The following IL1RAPL2 variants were observed in gnomAD, a reference collection of about 807,000 sequenced individuals.
The protein encoded by IL1RAPL2 is X-linked interleukin-1 receptor accessory protein-like 2.
Under a neutral mutation model 44.1 loss-of-function variants are expected in IL1RAPL2, and 3 were observed. The observed-to-expected ratio is 0.07, with a 90% CI of 0.03 to 0.18. The LOEUF (loss-of-function observed/expected upper bound fraction) is 0.18. IL1RAPL2 is among the 10% of genes least tolerant of loss of function. The pLI is 1.00. For missense variants in IL1RAPL2, 391 were observed against 496.4 expected, an observed-to-expected ratio of 0.79 and a Z score of 2.02; for synonymous variants, 181 against 178.8, an observed-to-expected ratio of 1.01 and a Z score of -0.10.
At chrX:105,438,576 A>C (rs1031588585) in intron 5 of IL1RAPL2, among the ~76,000 whole-genome samples, 3 of 110,905 alleles carry the variant, frequency 2.7e-5, no homozygotes, top group African/African-American at 9.8e-5. Context: ...TTTTGTGCCC[A>C]TAATTTAGAC....
chrX:105,458,667 T>G lies in IL1RAPL2; in HGVS notation c.698-25646T>G, dbSNP rs1602421778. Among the ~76,000 whole-genome samples, 3 of 111,699 alleles carry G rather than the reference T, an allele frequency of 2.7e-5. No homozygotes were observed. In the South Asian group the frequency reaches 1.1e-3, roughly 42 times the overall value. ...CATCTCATTACCCAGTTTTTCCTTT[T>G]TACGTTTTTCAGTCAGCCTCTTATC... On this transcript the variant is annotated intron_variant, in intron 5 of 10. Transcript: ENST00000372582.
At chrX:105,054,665 T>A (rs1052358354) in intron 2 of IL1RAPL2, among the ~76,000 whole-genome samples, 24 of 112,393 alleles carry the variant, frequency 2.1e-4, no homozygotes, top group African/African-American at 7.1e-4. Context: ...ACATATCATA[T>A]GTTAATTAGA....
At chrX:104,841,855 T>C (rs180755494) in intron 2 of IL1RAPL2, among the ~76,000 whole-genome samples, 40 of 110,136 alleles carry the variant, frequency 3.6e-4, no homozygotes, top group African/African-American at 1.3e-3. Flanking sequence ...GAGAATCTAA[T>C]GATTATGTGT....
At chrX:105,328,405 T>G (rs2147692345) in intron 5 of IL1RAPL2, among the ~76,000 whole-genome samples, 1 of 112,209 alleles carries the variant, frequency 8.9e-6, no homozygotes, top group Admixed American at 9.5e-5. Context: ...CTCATGGCTC[T>G]AACCCATCCC....
intron 2 of IL1RAPL2, among the ~76,000 whole-genome samples, chrX:104,881,047 C>A (rs1923056277): frequency 1.8e-5 from 2 of 111,185 alleles, no homozygotes; most frequent in African/African-American, 3.3e-5. Flanking sequence ...TTTTTTTAAG[C>A]AAAACTAAGA....
chrX:105,244,130 C>T (rs1556211889), intron 4 of IL1RAPL2, among the ~76,000 whole-genome samples: 1 of 110,867 alleles, frequency 9.0e-6, no homozygotes, highest in Non-Finnish European at 1.9e-5. Context: ...TGAGATTTTG[C>T]GATTTCAATA....
intron 5 of IL1RAPL2, among the ~76,000 whole-genome samples, chrX:105,307,625 TTA>T (rs759937250): frequency 6.6e-4 from 35 of 52,639 alleles, no homozygotes; most frequent in Admixed American, 6.3e-4. Flanking sequence ...ATATTTTCTA[TTA>T]TATATATTAT....
intron 2 of IL1RAPL2, among the ~76,000 whole-genome samples, chrX:104,842,007 C>T (rs1265243292): frequency 9.1e-6 from 1 of 110,151 alleles, no homozygotes; most frequent in Non-Finnish European, 1.9e-5. Flanking sequence ...CAATTCCCCC[C>T]CTTAATTTCA....
At chrX:104,697,402 T>A (rs1931199901) in intron 2 of IL1RAPL2, among the ~76,000 whole-genome samples, 1 of 112,710 alleles carries the variant, frequency 8.9e-6, no homozygotes, top group African/African-American at 3.2e-5. Context: ...ACTGAACTTG[T>A]GACTTCAAGT....
intron 2 of IL1RAPL2, among the ~76,000 whole-genome samples, chrX:105,042,100 G>T (rs1235731963): frequency 2.7e-5 from 3 of 111,347 alleles, no homozygotes; most frequent in African/African-American, 9.8e-5. Context: ...AGACTTACAT[G>T]TTAGACCTAA....
chrX:105,396,740 A>G (rs1210520502), intron 5 of IL1RAPL2, among the ~76,000 whole-genome samples: 1 of 108,527 alleles, frequency 9.2e-6, no homozygotes, highest in Non-Finnish European at 1.9e-5. Flanking sequence ...GAACCAGAAA[A>G]TTGATATCAT....
intron 2 of IL1RAPL2, among the ~76,000 whole-genome samples, chrX:104,940,089 T>C (rs1324693643): frequency 8.9e-6 from 1 of 111,807 alleles, no homozygotes; most frequent in African/African-American, 3.2e-5. Context: ...ATTAGTTGTA[T>C]AGTATGTATA....
chrX:104,895,365 T>C (rs1313463181), intron 2 of IL1RAPL2, among the ~76,000 whole-genome samples: 1 of 112,875 alleles, frequency 8.9e-6, no homozygotes, highest in Non-Finnish European at 1.9e-5. Context: ...TTTGTTCGGC[T>C]ATGCCCTGCC....
intron 2 of IL1RAPL2, among the ~76,000 whole-genome samples, chrX:104,715,155 G>C (rs758246180): frequency 9.1e-6 from 1 of 109,394 alleles, no homozygotes; most frequent in Admixed American, 9.8e-5. Context: ...ATTAAGTTTT[G>C]GAGCTCATTA....
chrX:105,414,890 G>A (rs1340387850), intron 5 of IL1RAPL2, among the ~76,000 whole-genome samples: 1 of 112,180 alleles, frequency 8.9e-6, no homozygotes, highest in Non-Finnish European at 1.9e-5. Flanking sequence ...CAGATGCTCA[G>A]TAAATATTAA....
chrX:105,308,605 C>T (rs2034770460), intron 5 of IL1RAPL2, among the ~76,000 whole-genome samples: 1 of 111,853 alleles, frequency 8.9e-6, no homozygotes, highest in Non-Finnish European at 1.9e-5. Flanking sequence ...GAATAATATA[C>T]TATGTTTTTG....
Position 104,966,610 on chromosome X carries a change from A to G in IL1RAPL2, c.83-228865A>G, listed in dbSNP as rs184707750. 4.8e-4 allele frequency among the ~76,000 whole-genome samples: 54 copies of G among 112,346 alleles called. No homozygotes were observed. In the East Asian group the frequency reaches 0.015, roughly 30 times the overall value. ...AATACATGAAGTAAAAACTGACTGA[A>G]TAACAGGAAGAAACACACAAATCCA... On this transcript the variant is annotated intron_variant, in intron 2 of 10. Coordinates refer to ENST00000372582, the MANE Select transcript of IL1RAPL2 (RefSeq NM_017416.2).
At chrX:104,990,673 C>T (rs188497835) in intron 2 of IL1RAPL2, among the ~76,000 whole-genome samples, 1 of 111,134 alleles carries the variant, frequency 9.0e-6, no homozygotes, top group Non-Finnish European at 1.9e-5. Context: ...ACATCAATGG[C>T]CTGAGAGAGA....
At chrX:104,702,099 A>G (rs1470845132) in intron 2 of IL1RAPL2, among the ~76,000 whole-genome samples, 4 of 111,659 alleles carry the variant, frequency 3.6e-5, no homozygotes, top group Non-Finnish European at 7.5e-5. Context: ...TCCAGTCCCA[A>G]TTAACTTCAC....
Sources: gnomAD v4.1 joint callset for allele counts (sites outside exome capture counted in the v4.1 genomes callset) on GRCh38, gnomAD v4.1.1 for gene constraint, MANE v1.5 for transcripts, NCBI Gene and HGNC (gene_info 2026-07-23, HGNC 2026-07-21) for gene names.